Variants in TGFBRAP1 observed in about 807,000 individuals in gnomAD.
The protein encoded by TGFBRAP1 is transforming growth factor-beta receptor-associated protein 1.
A neutral mutation model predicts 83.2 loss-of-function variants in TGFBRAP1; 20 were observed. The ratio of observed to expected loss-of-function variants is 0.24; its 90% CI spans 0.17 to 0.35. The LOEUF (loss-of-function observed/expected upper bound fraction) is 0.35, where lower values mean the gene tolerates loss of function less well. TGFBRAP1 is among the 10% of genes least tolerant of loss of function. The pLI is 1.00. For synonymous variants in TGFBRAP1, 415 were observed against 459.8 expected (o/e 0.90, Z 1.25); for missense variants, 950 against 1,099.4 (o/e 0.86, Z 1.92).
At chr2:105,262,877 G>C (rs1207797997), downstream of TGFBRAP1, among the ~76,000 whole-genome samples, 2 of 152,196 alleles carry the variant, frequency 1.3e-5, no homozygotes, top group African/African-American at 4.8e-5. Context: ...CTTGGACGGT[G>C]CTCCAGCCAG....
intron 9 of TGFBRAP1, among the ~76,000 whole-genome samples, 192 bp downstream of exon 9, chr2:105,273,352 G>A (rs1039581527): frequency 7.2e-5 from 11 of 152,144 alleles, no homozygotes; most frequent in Non-Finnish European, 1.3e-4. Flanking sequence ...TGAGACGGAC[G>A]GAGAAAAAAA....
intron 2 of TGFBRAP1, among the ~76,000 whole-genome samples, chr2:105,299,382 T>G (rs962706361): frequency 6.6e-6 from 1 of 152,086 alleles, no homozygotes; most frequent in Admixed American, 6.5e-5. Context: ...GAGGACAAAG[T>G]GACTTTCAAA....
chr2:105,322,956 G>A (rs1679111335), intron 1 of TGFBRAP1, among the ~76,000 whole-genome samples: 1 of 152,210 alleles, frequency 6.6e-6, no homozygotes, highest in Non-Finnish European at 1.5e-5. Flanking sequence ...GCCGTTCACA[G>A]CTCCCAATCA....
the TGFBRAP1 span, among the ~76,000 whole-genome samples, chr2:105,258,269 T>C: frequency 7.2e-5 from 11 of 152,244 alleles, no homozygotes; most frequent in South Asian, 2.3e-3. Flanking sequence ...AATGTGATGG[T>C]CAATTTCATG....
chr2:105,263,654 G>A (rs1366655666), downstream of TGFBRAP1, among the ~76,000 whole-genome samples: 1 of 152,140 alleles, frequency 6.6e-6, no homozygotes, highest in African/African-American at 2.4e-5. Flanking sequence ...AAGGCAGGTG[G>A]ATCACCTGAG....
intron 1 of TGFBRAP1, among the ~76,000 whole-genome samples, chr2:105,328,253 G>A (rs1210166569): frequency 6.6e-6 from 1 of 152,158 alleles, no homozygotes; most frequent in East Asian, 1.9e-4. Context: ...TACCACCACA[G>A]AGCATCACTC....
chr2:105,274,684 G>A (rs1330811950), intron 8 of TGFBRAP1, among the ~76,000 whole-genome samples: 1 of 152,214 alleles, frequency 6.6e-6, no homozygotes, highest in Non-Finnish European at 1.5e-5. Flanking sequence ...TGTGCACAGA[G>A]GCAAAGTAAA....
chr2:105,312,937 C>A (rs981543099), intron 1 of TGFBRAP1, among the ~76,000 whole-genome samples: 1 of 152,150 alleles, frequency 6.6e-6, no homozygotes, highest in African/African-American at 2.4e-5. Context: ...CATGGTGAAA[C>A]CTTGCTTCTA....
At position 105,273,448 on chromosome 2, in the gene TGFBRAP1, G is replaced by A. The variant is rs569013979; in HGVS notation, c.1812+96C>T. Reference sequence around the variant, plus strand: ...AACAAGTACGGATGGATCACCCAGGGAACAGACATTACACAGAATCACATG... The same window carrying A: ...AACAAGTACGGATGGATCACCCAGGAAACAGACATTACACAGAATCACATG... On this transcript the variant is annotated intron_variant, in intron 9 of 11. Coordinates refer to ENST00000393359, the MANE Select transcript of TGFBRAP1 (RefSeq NM_004257.6). 7 of 1,514,928 alleles carry A rather than the reference G, an allele frequency of 4.6e-6. No individual in the cohort carries two copies. In the Admixed American group the frequency reaches 5.8e-5, roughly 13 times the overall value. The allele number at this position is 1,514,928 out of a possible 1,614,324, so 93.8% of individuals were successfully genotyped here.
chr2:105,284,112 C>T (rs1046825090), intron 5 of TGFBRAP1, among the ~76,000 whole-genome samples: 1 of 152,112 alleles, frequency 6.6e-6, no homozygotes, highest in African/African-American at 2.4e-5. Flanking sequence ...AGACATAGGC[C>T]AGTTAAATTA....
chr2:105,264,067 G>A (rs532271409), downstream of TGFBRAP1, among the ~76,000 whole-genome samples: 27 of 152,298 alleles, frequency 1.8e-4, no homozygotes, highest in Admixed American at 1.0e-3. Context: ...TAAAAGGTAC[G>A]ATTTTGTAAG....
downstream of TGFBRAP1, among the ~76,000 whole-genome samples, chr2:105,261,473 C>T (rs573042163): frequency 1.3e-5 from 2 of 152,072 alleles, no homozygotes; most frequent in African/African-American, 2.4e-5. Flanking sequence ...CAAGGGGAGC[C>T]GGGCACAGTG....
intron 1 of TGFBRAP1, among the ~76,000 whole-genome samples, chr2:105,323,247 G>A (rs1679120737): frequency 6.6e-6 from 1 of 152,082 alleles, no homozygotes; most frequent in African/African-American, 2.4e-5. Flanking sequence ...GAAAAGTCAG[G>A]TGGTGACTTC....
chr2:105,286,497 C>T (rs967059337), intron 4 of TGFBRAP1, among the ~76,000 whole-genome samples: 5 of 152,208 alleles, frequency 3.3e-5, no homozygotes, highest in African/African-American at 4.8e-5. Context: ...TGAGTACATA[C>T]GAAGGACAGA....
Position 105,280,415 on chromosome 2 carries a change from G to A in TGFBRAP1, c.1430C>T (p.Thr477Met), listed in dbSNP as rs369902946. Residue 477 changes from threonine to methionine, a missense_variant, in exon 6 of 12, where the codon ACG becomes ATG. Thr to Met is a moderately conservative substitution (Grantham distance 81, BLOSUM62 -1). Coordinates refer to ENST00000393359, the MANE Select transcript of TGFBRAP1 (RefSeq NM_004257.6). ...CTTCTCTAGCCAGGCAGCACTGTCCGTCAGAAGACAGAAGTTCTCAGTGAC... is the reference window on the plus strand; with the variant it reads ...CTTCTCTAGCCAGGCAGCACTGTCCATCAGAAGACAGAAGTTCTCAGTGAC... ...LLVTENFCLL[T>M]DSAAWLEKHK... 62 of 1,614,070 alleles carry A rather than the reference G, an allele frequency of 3.8e-5. No individual in the cohort carries two copies. The highest frequency in any genetic ancestry group is 1.7e-4 in the Middle Eastern group (1 of 6,006).
At chr2:105,293,146 T>C (rs542234386) in intron 4 of TGFBRAP1, among the ~76,000 whole-genome samples, 1 of 152,280 alleles carries the variant, frequency 6.6e-6, no homozygotes, top group South Asian at 2.1e-4. Flanking sequence ...ATCCGTGCTT[T>C]TAGAGACATG....
Position 105,266,672 on chromosome 2 carries a change from C to T in TGFBRAP1, c.*711G>A, listed in dbSNP as rs981206828. ...GAGCGTTCTCAGTTTCTCAACAGAT[C>T]TTCACTTGCTAGGCAGCCAGAAGCA... is the stretch of plus-strand genomic sequence containing the variant. On this transcript the variant is annotated 3_prime_UTR_variant, in exon 12 of 12. Transcript: ENST00000393359. 1.3e-5 allele frequency: 2 copies of T among 152,242 alleles called. No homozygotes were observed. Among genetic ancestry groups the T allele is most frequent in the African/African-American group, 4.8e-5 (2 of 41,446 alleles). 9.4% of individuals were successfully genotyped at this position (152,242 alleles called of 1,614,324 possible).
At chr2:105,275,504 G>A in intron 8 of TGFBRAP1, 56 bp downstream of exon 8, 3 of 1,592,614 alleles carry the variant, frequency 1.9e-6, no homozygotes, top group South Asian at 2.3e-5. Context: ...AGCTTTTGGG[G>A]TCTGTTTTTA....
Position 105,324,489 on chromosome 2 carries a change from G to A in TGFBRAP1, c.-18+5136C>T, listed in dbSNP as rs559056760. ...ACCCATCAGTCCAGCCCAGGACTGC[G>A]CTAGCACACTCTGGGCTACTGGAGC... On this transcript the variant is annotated intron_variant, in intron 1 of 11. Coordinates refer to ENST00000393359, the MANE Select transcript of TGFBRAP1 (RefSeq NM_004257.6). Among the ~76,000 whole-genome samples, 37 of 152,170 alleles carry A rather than the reference G, an allele frequency of 2.4e-4. 1 individual carries two copies. Among genetic ancestry groups the A allele is most frequent in the Non-Finnish European group, 4.0e-4 (27 of 68,024 alleles).
Sources: allele counts gnomAD v4.1 joint callset (sites outside exome capture counted in the v4.1 genomes callset), GRCh38; gene constraint gnomAD v4.1.1; transcripts MANE v1.5; gene names NCBI Gene and HGNC (gene_info 2026-07-23, HGNC 2026-07-21).